CDKAL1: variants seen among roughly 807,000 people sequenced by gnomAD.
CDKAL1 encodes threonylcarbamoyladenosine tRNA methylthiotransferase.
A neutral mutation model predicts 68.2 loss-of-function variants in CDKAL1; 32 were observed. The observed-to-expected ratio is 0.47, with a 90% CI of 0.35 to 0.63. The LOEUF is 0.63. Among genes scored for constraint, CDKAL1 ranks in the 30% least tolerant of loss-of-function variants. The pLI, the probability that CDKAL1 is intolerant of heterozygous loss-of-function variation, is 0.00. For synonymous variants in CDKAL1, 234 were observed against 244.3 expected (o/e 0.96, Z 0.39); for missense variants, 606 against 696.7 (o/e 0.87, Z 1.47).
At chr6:20,711,409 A>G (rs186334046) in intron 5 of CDKAL1, among the ~76,000 whole-genome samples, 3 of 152,206 alleles carry the variant, frequency 2.0e-5, no homozygotes, top group Non-Finnish European at 2.9e-5. Flanking sequence ...GTAATATAGT[A>G]AAAAGAGTTT....
chr6:20,924,084 A>T (rs1320197534), intron 9 of CDKAL1, among the ~76,000 whole-genome samples: 1 of 149,834 alleles, frequency 6.7e-6, no homozygotes, highest in African/African-American at 2.5e-5. Context: ...CTCTTGTACC[A>T]TTGGTCATGT....
chr6:20,835,651 G>C (rs1314067169), intron 8 of CDKAL1, among the ~76,000 whole-genome samples: 3 of 152,050 alleles, frequency 2.0e-5, no homozygotes, highest in Admixed American at 6.6e-5. Context: ...GAATTCAAGT[G>C]ATTCTCCTGC....
chr6:20,674,182 CAA>C (rs1769982507), intron 5 of CDKAL1, among the ~76,000 whole-genome samples: 1 of 152,044 alleles, frequency 6.6e-6, no homozygotes, highest in Non-Finnish European at 1.5e-5. Context: ...CATTTGGAAA[CAA>C]GAGTTTTAAT....
At chr6:21,082,594 G>T (rs1444241553) in intron 12 of CDKAL1, among the ~76,000 whole-genome samples, 1 of 152,134 alleles carries the variant, frequency 6.6e-6, no homozygotes, top group Non-Finnish European at 1.5e-5. Flanking sequence ...GACCAAACAA[G>T]TGTCAGTTTT....
At chr6:20,846,199 A>G (rs761722084) in intron 9 of CDKAL1, 21 bp downstream of exon 9, 6 of 1,403,156 alleles carry the variant, frequency 4.3e-6, no homozygotes, top group Non-Finnish European at 6.0e-6. Context: ...CTAGAATTAT[A>G]TGTGAAATTA....
chr6:20,559,571 A>G (rs1200809741), intron 4 of CDKAL1: 1 of 152,178 alleles, frequency 6.6e-6, no homozygotes, highest in African/African-American at 2.4e-5. Context: ...TTTTCAGGTC[A>G]CTAAATGTCT....
intron 5 of CDKAL1, among the ~76,000 whole-genome samples, chr6:20,681,753 G>A: frequency 6.6e-6 from 1 of 152,136 alleles, no homozygotes; most frequent in East Asian, 1.9e-4. Flanking sequence ...ATGGGTGCAT[G>A]GAAGGCCTGG....
chr6:20,760,046 A>G (rs1774396321), intron 7 of CDKAL1, among the ~76,000 whole-genome samples: 1 of 152,116 alleles, frequency 6.6e-6, no homozygotes, highest in African/African-American at 2.4e-5. Flanking sequence ...TTGCCTTATC[A>G]GAGATTATTA....
intron 10 of CDKAL1, among the ~76,000 whole-genome samples, chr6:20,979,471 A>C (rs1766001096): frequency 6.6e-6 from 1 of 152,150 alleles, no homozygotes; most frequent in African/African-American, 2.4e-5. Flanking sequence ...GAGCAATTGC[A>C]TTCTAGAGTG....
intron 10 of CDKAL1, among the ~76,000 whole-genome samples, chr6:20,967,542 G>C (rs532646237): frequency 6.6e-6 from 1 of 152,136 alleles, no homozygotes; most frequent in South Asian, 2.1e-4. Flanking sequence ...TGTTGTTACT[G>C]TCATAAACAT....
intron 8 of CDKAL1, among the ~76,000 whole-genome samples, chr6:20,801,286 G>C (rs2150406354): frequency 6.6e-6 from 1 of 152,112 alleles, no homozygotes; most frequent in East Asian, 1.9e-4. Flanking sequence ...ACCACCTTAG[G>C]CTTGCTAACG....
At chr6:20,667,406 G>T (rs763054205) in intron 5 of CDKAL1, among the ~76,000 whole-genome samples, 1 of 152,110 alleles carries the variant, frequency 6.6e-6, no homozygotes, top group Non-Finnish European at 1.5e-5. Flanking sequence ...GAATGGGTGC[G>T]AATGTACCTC....
At chr6:20,535,763 C>T (rs1023897135) in intron 2 of CDKAL1, among the ~76,000 whole-genome samples, 3 of 152,122 alleles carry the variant, frequency 2.0e-5, no homozygotes, top group African/African-American at 7.2e-5. Flanking sequence ...TACCTCTGTT[C>T]TCTTTTTCTT....
intron 8 of CDKAL1, among the ~76,000 whole-genome samples, chr6:20,784,350 T>C (rs1034112492): frequency 1.3e-5 from 2 of 151,106 alleles, no homozygotes; most frequent in Admixed American, 6.6e-5. Context: ...ATTTTAAAAA[T>C]TTGGCTTCTT....
intron 5 of CDKAL1, among the ~76,000 whole-genome samples, chr6:20,687,327 C>A (rs945038068): frequency 6.6e-6 from 1 of 152,012 alleles, no homozygotes; most frequent in Non-Finnish European, 1.5e-5. Flanking sequence ...TAGAATGTTG[C>A]TAATTATTGA....
At chr6:21,150,047 T>C (rs531929501) in intron 13 of CDKAL1, among the ~76,000 whole-genome samples, 15 of 152,012 alleles carry the variant, frequency 9.9e-5, no homozygotes, top group East Asian at 5.8e-4. Context: ...TTAGTAGAGA[T>C]GGGGTTTCAC....
At chr6:20,704,809 A>T (rs180750967) in intron 5 of CDKAL1, among the ~76,000 whole-genome samples, 1 of 152,296 alleles carries the variant, frequency 6.6e-6, no homozygotes, top group East Asian at 1.9e-4. Context: ...GGAATTCTAG[A>T]TGGTATAGTC....
intron 6 of CDKAL1, among the ~76,000 whole-genome samples, chr6:20,757,055 T>C (rs1392280424): frequency 6.6e-6 from 1 of 151,946 alleles, no homozygotes; most frequent in Non-Finnish European, 1.5e-5. Flanking sequence ...TGCCTCAGCC[T>C]CCTGAGTAGC....
intron 5 of CDKAL1, among the ~76,000 whole-genome samples, chr6:20,681,403 TTG>T (rs1770368852): frequency 6.6e-6 from 1 of 152,250 alleles, no homozygotes; most frequent in Non-Finnish European, 1.5e-5. Flanking sequence ...AGCCTACATT[TTG>T]TGTTTTTTTC....
Sources: allele counts gnomAD v4.1 joint callset (sites outside exome capture counted in the v4.1 genomes callset), GRCh38; gene constraint gnomAD v4.1.1; transcripts MANE v1.5; gene names NCBI Gene and HGNC (gene_info 2026-07-23, HGNC 2026-07-21).